Variants in ZFPM2 observed in about 807,000 individuals in gnomAD.
The protein encoded by ZFPM2 is zinc finger protein, FOG family member 2.
ZFPM2 carries 20 observed loss-of-function variants against 98.6 expected under a neutral mutation model. That is an observed-to-expected ratio of 0.20 (90% CI 0.14 to 0.29). The LOEUF (loss-of-function observed/expected upper bound fraction) is 0.29, where lower values mean the gene tolerates loss of function less well. Among genes scored for constraint, ZFPM2 ranks in the 10% least tolerant of loss-of-function variants. The pLI is 1.00. For missense variants in ZFPM2, 1,310 were observed against 1,388.6 expected (o/e 0.94, Z 0.90); for synonymous variants, 518 against 502.7 (o/e 1.03, Z -0.41).
intron 2 of ZFPM2, among the ~76,000 whole-genome samples, chr8:105,434,446 A>ACTGT (rs1812082060): frequency 6.6e-6 from 1 of 152,156 alleles, no homozygotes; most frequent in African/African-American, 2.4e-5. Flanking sequence ...TCTGTTTTTG[A>ACTGT]CTGTTGAAGT....
At chr8:105,420,820 G>T (rs1432432054) in intron 2 of ZFPM2, among the ~76,000 whole-genome samples, 1 of 152,016 alleles carries the variant, frequency 6.6e-6, no homozygotes, top group Non-Finnish European at 1.5e-5. Context: ...TTGTGATGTT[G>T]CAATAAAGAG....
At chr8:105,643,992 G>A (rs1816993955) in intron 5 of ZFPM2, among the ~76,000 whole-genome samples, 2 of 152,116 alleles carry the variant, frequency 1.3e-5, no homozygotes, top group Admixed American at 6.6e-5. Context: ...ACGTTATAAC[G>A]TCAGAGTTGA....
chr8:105,486,053 G>A (rs879836062), intron 3 of ZFPM2, among the ~76,000 whole-genome samples: 1 of 151,956 alleles, frequency 6.6e-6, no homozygotes, highest in Non-Finnish European at 1.5e-5. Flanking sequence ...ATGAGAAAAT[G>A]GAGGCCTCTT....
intron 3 of ZFPM2, among the ~76,000 whole-genome samples, chr8:105,482,995 T>TTCCCTTCCTTCCTTCCTTCCTTCC (rs1554609772): frequency 1.9e-5 from 1 of 51,406 alleles, no homozygotes; most frequent in Non-Finnish European, 3.4e-5. Context: ...CCCCCCATCC[T>TTCCCTTCCTTCCTTCCTTCCTTCC]TTCCTTCCTT....
intron 3 of ZFPM2, among the ~76,000 whole-genome samples, chr8:105,543,020 G>A (rs1178613263): frequency 7.2e-5 from 11 of 152,210 alleles, no homozygotes; most frequent in Non-Finnish European, 5.9e-5. Context: ...CCAAAAAGAT[G>A]TTTACTTGCT....
intron 4 of ZFPM2, among the ~76,000 whole-genome samples, chr8:105,607,617 A>G (rs911254500): frequency 7.2e-5 from 11 of 152,086 alleles, no homozygotes; most frequent in Non-Finnish European, 1.6e-4. Context: ...TTGTGGCAAC[A>G]GATGGCCTCC....
intron 3 of ZFPM2, among the ~76,000 whole-genome samples, chr8:105,548,972 A>G (rs1286093721): frequency 6.6e-6 from 1 of 152,196 alleles, no homozygotes; most frequent in Non-Finnish European, 1.5e-5. Context: ...GATTTTATGA[A>G]CAAAATAGTC....
chr8:105,517,078 G>C (rs756434624), intron 3 of ZFPM2, among the ~76,000 whole-genome samples: 1 of 152,134 alleles, frequency 6.6e-6, no homozygotes, highest in Non-Finnish European at 1.5e-5. Flanking sequence ...AACAAGATTT[G>C]TGGAACCCTT....
At chr8:105,352,428 A>G (rs1812666336) in intron 1 of ZFPM2, among the ~76,000 whole-genome samples, 1 of 152,218 alleles carries the variant, frequency 6.6e-6, no homozygotes, top group African/African-American at 2.4e-5. Context: ...TTTTGTTAAA[A>G]GTAATAGCAT....
intron 5 of ZFPM2, among the ~76,000 whole-genome samples, chr8:105,715,181 T>C (rs984526853): frequency 6.6e-6 from 1 of 151,992 alleles, no homozygotes. Flanking sequence ...GGAGAATCAC[T>C]TGAGCCCAGG....
At chr8:105,594,312 A>C (rs1252391610) in intron 4 of ZFPM2, among the ~76,000 whole-genome samples, 1 of 152,122 alleles carries the variant, frequency 6.6e-6, no homozygotes, top group Non-Finnish European at 1.5e-5. Flanking sequence ...TCCTTATGCC[A>C]AGAGGGTCTG....
chr8:105,500,146 T>C (rs1266801017), intron 3 of ZFPM2, among the ~76,000 whole-genome samples: 1 of 152,346 alleles, frequency 6.6e-6, no homozygotes, highest in Non-Finnish European at 1.5e-5. Flanking sequence ...ACTTCTGTTA[T>C]ACTGTGTGTT....
intron 5 of ZFPM2, among the ~76,000 whole-genome samples, chr8:105,688,983 A>G (rs574648972): frequency 6.6e-6 from 1 of 152,138 alleles, no homozygotes; most frequent in Non-Finnish European, 1.5e-5. Flanking sequence ...CCCACCTACT[A>G]TTCACCTTCT....
chr8:105,623,925 G>T (rs554279543), intron 4 of ZFPM2, among the ~76,000 whole-genome samples: 1 of 152,264 alleles, frequency 6.6e-6, no homozygotes, highest in Non-Finnish European at 1.5e-5. Flanking sequence ...ATTGGCCAAT[G>T]CAAATAGTAA....
At chr8:105,625,340 A>G (rs1386831962) in intron 4 of ZFPM2, among the ~76,000 whole-genome samples, 1 of 152,150 alleles carries the variant, frequency 6.6e-6, no homozygotes, top group Non-Finnish European at 1.5e-5. Flanking sequence ...GGTTCTTTTA[A>G]TAGGAGTTTG....
intron 5 of ZFPM2, among the ~76,000 whole-genome samples, chr8:105,691,660 T>C (rs75455546): frequency 8.9e-4 from 136 of 152,354 alleles, no homozygotes; most frequent in African/African-American, 3.1e-3. Context: ...CTAACACTTA[T>C]ACTCTCTGAA....
At chr8:105,440,949 C>T (rs1586373863) in intron 2 of ZFPM2, among the ~76,000 whole-genome samples, 1 of 151,588 alleles carries the variant, frequency 6.6e-6, no homozygotes, top group Non-Finnish European at 1.5e-5. Flanking sequence ...CAAGAGATCG[C>T]GACCATCCTG....
intron 1 of ZFPM2, among the ~76,000 whole-genome samples, chr8:105,347,216 C>A (rs1346990222): frequency 6.7e-6 from 1 of 150,084 alleles, no homozygotes; most frequent in Non-Finnish European, 1.5e-5. Context: ...AGTATTCAAT[C>A]TAAGCGTGAT....
At chr8:105,625,372 T>C (rs1438497023) in intron 4 of ZFPM2, among the ~76,000 whole-genome samples, 2 of 152,192 alleles carry the variant, frequency 1.3e-5, no homozygotes, top group Admixed American at 1.3e-4. Flanking sequence ...AGTTACTTGC[T>C]GAAATCTCCT....
Sources: allele counts gnomAD v4.1 joint callset (sites outside exome capture counted in the v4.1 genomes callset), GRCh38; gene constraint gnomAD v4.1.1; transcripts MANE v1.5; gene names NCBI Gene and HGNC (gene_info 2026-07-23, HGNC 2026-07-21).